The following NEK7 variants were observed in gnomAD, a reference collection of about 807,000 sequenced individuals.
NEK7 encodes serine/threonine-protein kinase Nek7.
Under a neutral mutation model 44.6 loss-of-function variants are expected in NEK7, and 18 were observed. The ratio of observed to expected loss-of-function variants is 0.40; its 90% CI spans 0.28 to 0.60. The LOEUF (loss-of-function observed/expected upper bound fraction) is 0.60, where lower values mean the gene tolerates loss of function less well. Ranked by LOEUF, NEK7 falls within the 20% of genes least tolerant of loss-of-function variation. The pLI is 0.38. For missense variants in NEK7, 256 were observed against 366.5 expected (o/e 0.70, Z 2.46); for synonymous variants, 130 against 121.1 (o/e 1.07, Z -0.48).
rs920040719 is a variant in NEK7 at position 198,322,113 on chromosome 1, C to T, written c.*2591C>T. ...TCAACATAGTATCTATTACAAAACA[C>T]CTTTCTTGTATCCATATACTTCAGG... is the stretch of plus-strand genomic sequence containing the variant. On this transcript the variant is annotated 3_prime_UTR_variant, in exon 10 of 10. Coordinates refer to ENST00000367385, the MANE Select transcript of NEK7 (RefSeq NM_133494.3). 6.6e-6 allele frequency: 1 copy of T among 152,100 alleles called. No homozygotes were observed. The highest frequency in any genetic ancestry group is 2.4e-5 in the African/African-American group (1 of 41,444). The allele number at this position is 152,100 out of a possible 1,614,324, so 9.4% of individuals were successfully genotyped here. A position where few individuals can be genotyped will look rare whatever the true frequency, so the allele number is the denominator to read the frequency against.
intron 9 of NEK7, among the ~76,000 whole-genome samples, chr1:198,313,996 G>A (rs1161850670): frequency 6.6e-6 from 1 of 151,190 alleles, no homozygotes; most frequent in Non-Finnish European, 1.5e-5. Flanking sequence ...CTAGATTGGG[G>A]AAGTTCTCCC....
chr1:198,184,886 G>A (rs1281419092), intron 1 of NEK7, among the ~76,000 whole-genome samples: 1 of 151,832 alleles, frequency 6.6e-6, no homozygotes, highest in Non-Finnish European at 1.5e-5. Flanking sequence ...TAGTTAGTTA[G>A]TTAGTAGAGA....
intron 2 of NEK7, among the ~76,000 whole-genome samples, chr1:198,235,776 C>T (rs1666529971): frequency 1.3e-5 from 2 of 151,812 alleles, no homozygotes; most frequent in South Asian, 2.1e-4. Context: ...GATTAATTTT[C>T]ATTGTGATAT....
At chr1:198,288,543 A>G (rs777883492) in intron 7 of NEK7, among the ~76,000 whole-genome samples, 2 of 152,222 alleles carry the variant, frequency 1.3e-5, no homozygotes, top group Non-Finnish European at 2.9e-5. Context: ...TGCAAGAGAC[A>G]AGAACTACTT....
At chr1:198,277,442 A>T (rs1159943757) in intron 5 of NEK7, among the ~76,000 whole-genome samples, 1 of 151,800 alleles carries the variant, frequency 6.6e-6, no homozygotes, top group African/African-American at 2.4e-5. Context: ...TTTGACTTGC[A>T]TTGTGCAGTA....
At chr1:198,222,701 A>C (rs1160968097) in intron 1 of NEK7, among the ~76,000 whole-genome samples, 3 of 152,154 alleles carry the variant, frequency 2.0e-5, no homozygotes, top group African/African-American at 7.2e-5. Context: ...ATGTTTATCG[A>C]GTGTCCATTA....
At chr1:198,232,497 A>G (rs1666425451) in intron 1 of NEK7, 56 bp from the exon 2 acceptor site, 1 of 804,700 alleles carries the variant, frequency 1.2e-6, no homozygotes, top group Non-Finnish European at 2.2e-6. Context: ...TGTATGATGA[A>G]TGATGTGAAT....
Position 198,204,467 on chromosome 1 carries a change from C to A in NEK7, c.-28-28086C>A, listed in dbSNP as rs190203100. ...CGGCGCGGTGGCTCACGCCTGTAAT[C>A]CCAGCACTTTGGGAGGCCGAGGCAG... On this transcript the variant is annotated intron_variant, in intron 1 of 9. Transcript: ENST00000367385. Among the ~76,000 whole-genome samples, 631 of 152,152 alleles carry A rather than the reference C, an allele frequency of 4.1e-3. 4 individuals carry two copies. Among genetic ancestry groups the A allele is most frequent in the African/African-American group, 0.015 (611 of 41,524 alleles).
intron 9 of NEK7, among the ~76,000 whole-genome samples, chr1:198,307,428 G>T (rs539040018): frequency 6.6e-6 from 1 of 151,904 alleles, no homozygotes; most frequent in Admixed American, 6.6e-5. Flanking sequence ...GCCTTCTGGT[G>T]GTCTAATTTA....
chr1:198,262,409 G>A (rs1653506096), intron 3 of NEK7, among the ~76,000 whole-genome samples, 166 bp from the exon 4 acceptor site: 1 of 151,758 alleles, frequency 6.6e-6, no homozygotes, highest in East Asian at 1.9e-4. Flanking sequence ...TGTAAGCAAT[G>A]TTGGTAACAT....
chr1:198,210,594 G>A (rs1665732534), intron 1 of NEK7, among the ~76,000 whole-genome samples: 1 of 148,018 alleles, frequency 6.8e-6, no homozygotes. Flanking sequence ...TAAGAGTACT[G>A]AGTAAAAGTA....
chr1:198,257,366 GTTAC>G (rs1326994047), intron 3 of NEK7, among the ~76,000 whole-genome samples: 2 of 152,022 alleles, frequency 1.3e-5, no homozygotes, highest in East Asian at 3.8e-4. Flanking sequence ...CTATTAATAA[GTTAC>G]TTTTTATCAT....
At chr1:198,251,015 G>A (rs2102918331) in intron 2 of NEK7, among the ~76,000 whole-genome samples, 1 of 152,122 alleles carries the variant, frequency 6.6e-6, no homozygotes, top group African/African-American at 2.4e-5. Flanking sequence ...TTGGCTGTGG[G>A]TTTGTCATAG....
chr1:198,283,487 ATCC>A (rs1238265947), intron 7 of NEK7, among the ~76,000 whole-genome samples: 3 of 151,948 alleles, frequency 2.0e-5, no homozygotes, highest in Admixed American at 2.0e-4. Context: ...TGGTCTCCTT[ATCC>A]TCCTCCCACC....
intron 1 of NEK7, among the ~76,000 whole-genome samples, chr1:198,211,765 C>G (rs1665778726): frequency 6.6e-6 from 1 of 152,094 alleles, no homozygotes; most frequent in Non-Finnish European, 1.5e-5. Flanking sequence ...GCCTTTTCCA[C>G]TTCGAAAGAC....
chr1:198,295,878 A>G lies in NEK7; in HGVS notation c.685-1249A>G, dbSNP rs77042084. Among the ~76,000 whole-genome samples, 118 of 150,710 alleles carry G rather than the reference A, an allele frequency of 7.8e-4. 5 individuals are homozygous for G. In the East Asian group the frequency reaches 0.023, roughly 29 times the overall value. On this transcript the variant is annotated intron_variant, in intron 8 of 9. Transcript: ENST00000367385. ...GAAATTTCCTCTCAGAGTGTTTTAT[A>G]TGATTAGGGGCATTCAGATTGTTTT... is the stretch of plus-strand genomic sequence containing the variant.
chr1:198,191,500 A>AT (rs534992615), intron 1 of NEK7, among the ~76,000 whole-genome samples: 191 of 151,862 alleles, frequency 1.3e-3, no homozygotes, highest in African/African-American at 4.4e-3. Context: ...TCGCGTATTG[A>AT]TTTTTTTCAT....
At chr1:198,199,530 T>C (rs1426904121) in intron 1 of NEK7, among the ~76,000 whole-genome samples, 1 of 150,764 alleles carries the variant, frequency 6.6e-6, no homozygotes, top group African/African-American at 2.5e-5. Flanking sequence ...CTCTATACTA[T>C]ACTTTTTTTT....
intron 1 of NEK7, among the ~76,000 whole-genome samples, chr1:198,216,742 G>GA (rs1371361767): frequency 6.6e-6 from 1 of 151,986 alleles, no homozygotes; most frequent in Non-Finnish European, 1.5e-5. Context: ...AATTAAAAGT[G>GA]AAACTGGAGA....
Sources: allele counts gnomAD v4.1 joint callset (sites outside exome capture counted in the v4.1 genomes callset), GRCh38; gene constraint gnomAD v4.1.1; transcripts MANE v1.5; gene names NCBI Gene and HGNC (gene_info 2026-07-23, HGNC 2026-07-21).